UMAD1: variants seen among roughly 807,000 people sequenced by gnomAD.
UMAD1 encodes UBAP1-MVB12-associated (UMA) domain containing 1.
In UMAD1, 8 loss-of-function variants were observed where a neutral mutation model predicts 6.1. The observed-to-expected ratio is 1.30, with a 90% CI of 0.76 to 2.35. UMAD1 has a LOEUF of 2.35. Among genes scored for constraint, UMAD1 ranks in the 30% most tolerant of loss-of-function variants. The pLI is 0.00. For synonymous variants in UMAD1, 56 were observed against 31.4 expected (o/e 1.78, Z -2.61); for missense variants, 130 against 78.4 (o/e 1.66, Z -2.49).
At chr7:7,673,231 T>C in intron 1 of UMAD1, 78 bp from the exon 2 acceptor site, 3 of 875,368 alleles carry the variant, frequency 3.4e-6, no homozygotes, top group Non-Finnish European at 5.5e-6. Flanking sequence ...TATATCGTTA[T>C]GCTGAACTTT....
chr7:7,767,017 G>A (rs1400941920), intron 2 of UMAD1, among the ~76,000 whole-genome samples: 2 of 151,808 alleles, frequency 1.3e-5, no homozygotes, highest in African/African-American at 4.8e-5. Context: ...ACAGTTTCAA[G>A]TTCTGTCTTT....
intron 1 of UMAD1, among the ~76,000 whole-genome samples, chr7:7,671,515 C>G (rs953206669): frequency 6.6e-6 from 1 of 152,206 alleles, no homozygotes; most frequent in African/African-American, 2.4e-5. Context: ...TAAAGGCCTT[C>G]TCAGTTTTGT....
chr7:7,720,681 G>T (rs1353866331), intron 2 of UMAD1, among the ~76,000 whole-genome samples: 1 of 152,016 alleles, frequency 6.6e-6, no homozygotes, highest in Non-Finnish European at 1.5e-5. Flanking sequence ...AAGCCAATTT[G>T]TTTTTTTGTG....
At chr7:7,821,712 G>C (rs1302001353) in intron 3 of UMAD1, among the ~76,000 whole-genome samples, 1 of 152,128 alleles carries the variant, frequency 6.6e-6, no homozygotes, top group African/African-American at 2.4e-5. Flanking sequence ...CGATAGATAC[G>C]GAAGGCTAAG....
intron 2 of UMAD1, among the ~76,000 whole-genome samples, chr7:7,720,429 T>G (rs761037333): frequency 7.2e-5 from 11 of 152,122 alleles, no homozygotes; most frequent in Non-Finnish European, 1.2e-4. Context: ...GTGTTTTTAA[T>G]CATTTCCCCC....
At chr7:7,770,686 G>T (rs1441970098) in intron 2 of UMAD1, among the ~76,000 whole-genome samples, 1 of 152,132 alleles carries the variant, frequency 6.6e-6, no homozygotes, top group Non-Finnish European at 1.5e-5. Context: ...TTGAAAGAAT[G>T]ATGATTCTTG....
intron 3 of UMAD1, among the ~76,000 whole-genome samples, chr7:7,810,947 C>A (rs765258224): frequency 6.6e-6 from 1 of 152,150 alleles, no homozygotes; most frequent in Non-Finnish European, 1.5e-5. Flanking sequence ...ACCCAGGGAC[C>A]TTTCCAGCAG....
intron 3 of UMAD1, among the ~76,000 whole-genome samples, chr7:7,834,987 G>T (rs1377021843): frequency 6.6e-6 from 1 of 152,134 alleles, no homozygotes; most frequent in African/African-American, 2.4e-5. Flanking sequence ...AAAAAAATCA[G>T]ATCTCTTGAG....
At chr7:7,734,957 A>C (rs942243620) in intron 2 of UMAD1, among the ~76,000 whole-genome samples, 3 of 152,184 alleles carry the variant, frequency 2.0e-5, no homozygotes, top group African/African-American at 7.2e-5. Flanking sequence ...TTACATAGTA[A>C]ATATAAAATT....
intron 2 of UMAD1, among the ~76,000 whole-genome samples, chr7:7,685,314 CT>C (rs34968724): frequency 4.9e-4 from 70 of 143,702 alleles, no homozygotes; most frequent in Admixed American, 4.9e-4. Flanking sequence ...ACACATTGAT[CT>C]TTTTTTTTTT....
At chr7:7,792,249 C>T (rs1034888972) in intron 2 of UMAD1, among the ~76,000 whole-genome samples, 1 of 152,238 alleles carries the variant, frequency 6.6e-6, no homozygotes, top group African/African-American at 2.4e-5. Flanking sequence ...TGCATTCCTT[C>T]CTCTATGGCT....
intron 2 of UMAD1, among the ~76,000 whole-genome samples, chr7:7,755,798 G>C (rs991403754): frequency 6.6e-6 from 1 of 152,152 alleles, no homozygotes; most frequent in African/African-American, 2.4e-5. Flanking sequence ...TAGCATCCCA[G>C]TGCCACTAGT....
intron 3 of UMAD1, among the ~76,000 whole-genome samples, chr7:7,862,829 A>AC (rs766129553): frequency 2.0e-5 from 3 of 152,328 alleles, no homozygotes; most frequent in Admixed American, 6.5e-5. Context: ...AAAACAAAAA[A>AC]CAAAAAAACT....
intron 2 of UMAD1, chr7:7,738,419 C>G (rs1241150391): frequency 6.6e-6 from 1 of 152,188 alleles, no homozygotes; most frequent in Non-Finnish European, 1.5e-5. Context: ...CTGGTTCAAG[C>G]AGGACCTGGT....
At chr7:7,708,489 G>T (rs537984655) in intron 2 of UMAD1, among the ~76,000 whole-genome samples, 1 of 152,198 alleles carries the variant, frequency 6.6e-6, no homozygotes, top group South Asian at 2.1e-4. Context: ...GGATATAAGG[G>T]GATCAGGTCT....
chr7:7,865,722 C>T (rs568581110), intron 3 of UMAD1, among the ~76,000 whole-genome samples: 4 of 152,220 alleles, frequency 2.6e-5, no homozygotes, highest in Non-Finnish European at 5.9e-5. Context: ...ATAGGCTACA[C>T]CACAGCCCCT....
intron 1 of UMAD1, among the ~76,000 whole-genome samples, chr7:7,660,654 T>G (rs1785451981): frequency 1.3e-5 from 2 of 152,246 alleles, no homozygotes; most frequent in Non-Finnish European, 2.9e-5. Context: ...CCTGTAGGGT[T>G]TCTGCAGAGA....
intron 2 of UMAD1, among the ~76,000 whole-genome samples, chr7:7,782,957 G>A (rs1484907364): frequency 1.3e-5 from 2 of 152,026 alleles, no homozygotes; most frequent in East Asian, 1.9e-4. Flanking sequence ...GGTCTTGAAC[G>A]CCTGACTTCA....
chr7:7,708,130 G>A (rs981093910), intron 2 of UMAD1, among the ~76,000 whole-genome samples: 6 of 152,024 alleles, frequency 3.9e-5, no homozygotes, highest in African/African-American at 1.2e-4. Flanking sequence ...TTGGATCATG[G>A]TTCTGCTGCG....
Sources: allele counts gnomAD v4.1 joint callset (sites outside exome capture counted in the v4.1 genomes callset), GRCh38; gene constraint gnomAD v4.1.1; transcripts MANE v1.5; gene names NCBI Gene and HGNC (gene_info 2026-07-23, HGNC 2026-07-21).